The following NRXN3 variants were observed in gnomAD, a reference collection of about 807,000 sequenced individuals.
NRXN3 encodes neurexin 3.
NRXN3 carries 32 observed loss-of-function variants against 137.6 expected under a neutral mutation model. That is an observed-to-expected ratio of 0.23 (90% CI 0.18 to 0.31). The LOEUF is 0.31. Among genes scored for constraint, NRXN3 ranks in the 10% least tolerant of loss-of-function variants. The pLI is 1.00. For missense variants in NRXN3, 1,574 were observed against 2,062.5 expected (o/e 0.76, Z 4.59); for synonymous variants, 798 against 784.5 (o/e 1.02, Z -0.29).
intron 15 of NRXN3, among the ~76,000 whole-genome samples, chr14:79,382,136 T>A (rs2094488166): frequency 6.6e-6 from 1 of 152,156 alleles, no homozygotes; most frequent in Non-Finnish European, 1.5e-5. Context: ...TTCTGAGGAT[T>A]AAATGAGTGA....
intron 19 of NRXN3, among the ~76,000 whole-genome samples, chr14:79,718,991 T>G (rs1014981138): frequency 6.6e-6 from 1 of 152,090 alleles, no homozygotes; most frequent in Admixed American, 6.6e-5. Context: ...CTCAACTTGG[T>G]CTCCTTTTTC....
chr14:79,184,965 T>A (rs2063346374), intron 15 of NRXN3, among the ~76,000 whole-genome samples: 1 of 152,180 alleles, frequency 6.6e-6, no homozygotes, highest in Non-Finnish European at 1.5e-5. Flanking sequence ...TTGTGTCAAA[T>A]TGAGTTGTGC....
Position 79,674,209 on chromosome 14 carries a change from T to C in NRXN3, c.3616+10260T>C, listed in dbSNP as rs929033654. Among the ~76,000 whole-genome samples the C allele has an allele frequency of 2.0e-5, 3 of 152,098 alleles. No homozygotes were observed. The East Asian group carries it at 5.8e-4, about 29-fold the overall frequency. On this transcript the variant is annotated intron_variant, in intron 17 of 20. Coordinates refer to ENST00000335750, the MANE Select transcript of NRXN3 (RefSeq NM_001330195.2). ...GTGTGAAAGATGACATGACAACTTA[T>C]ACCTTTCTCATTGAGGAAATTAATG...
At chr14:79,526,019 C>T (rs927099685) in intron 16 of NRXN3, among the ~76,000 whole-genome samples, 1 of 152,082 alleles carries the variant, frequency 6.6e-6, no homozygotes, top group African/African-American at 2.4e-5. Context: ...GTAGTTAGGA[C>T]CACAGGCACA....
At chr14:79,755,393 T>A (rs1012960512) in intron 19 of NRXN3, among the ~76,000 whole-genome samples, 3 of 152,300 alleles carry the variant, frequency 2.0e-5, no homozygotes, top group South Asian at 4.1e-4. Flanking sequence ...ATATTTGTTT[T>A]TTTCTTAGAA....
intron 6 of NRXN3, among the ~76,000 whole-genome samples, chr14:78,671,467 G>A (rs1188282657): frequency 6.6e-6 from 1 of 152,090 alleles, no homozygotes; most frequent in Non-Finnish European, 1.5e-5. Flanking sequence ...TGGGTACTAT[G>A]CTCAGTATCT....
At chr14:79,610,176 C>T (rs932950081) in intron 16 of NRXN3, among the ~76,000 whole-genome samples, 3 of 152,060 alleles carry the variant, frequency 2.0e-5, no homozygotes, top group African/African-American at 7.2e-5. Flanking sequence ...ATAGAGTCAA[C>T]ATTCTGATAC....
chr14:78,653,722 C>T (rs890560424), intron 6 of NRXN3, among the ~76,000 whole-genome samples: 3 of 151,742 alleles, frequency 2.0e-5, no homozygotes, highest in Non-Finnish European at 4.4e-5. Context: ...CACACACACA[C>T]ACACACACAC....
chr14:78,174,154 C>CT (rs2059035975), intron 1 of NRXN3, among the ~76,000 whole-genome samples: 1 of 152,050 alleles, frequency 6.6e-6, no homozygotes, highest in Non-Finnish European at 1.5e-5. Flanking sequence ...CAAATAAGCA[C>CT]CCAGTGATAA....
intron 15 of NRXN3, among the ~76,000 whole-genome samples, chr14:79,048,790 C>G (rs1333738215): frequency 1.3e-5 from 2 of 149,648 alleles, no homozygotes; most frequent in Admixed American, 1.3e-4. Context: ...TTTGGGAGGC[C>G]GAGACGGGCG....
At chr14:78,352,758 T>C (rs752081691) in intron 4 of NRXN3, among the ~76,000 whole-genome samples, 1 of 152,230 alleles carries the variant, frequency 6.6e-6, no homozygotes, top group Admixed American at 6.5e-5. Context: ...TTGTGGCACC[T>C]GAGACCTAGA....
At position 79,768,065 on chromosome 14, in the gene NRXN3, G is replaced by A. The variant is rs567534391; in HGVS notation, c.4015-37047G>A. ...CACCTGAATACTGTGCTTTTCCGACGGGCTTAAAAAATGGCGCACCAGGAG... is the reference window on the plus strand; with the variant it reads ...CACCTGAATACTGTGCTTTTCCGACAGGCTTAAAAAATGGCGCACCAGGAG... On this transcript the variant is annotated intron_variant, in intron 19 of 20. Coordinates refer to ENST00000335750, the MANE Select transcript of NRXN3 (RefSeq NM_001330195.2). Among the ~76,000 whole-genome samples the A allele has an allele frequency of 1.1e-3, 167 of 152,268 alleles. 1 individual carries two copies. The highest frequency in any genetic ancestry group is 1.3e-3 in the African/African-American group (54 of 41,560).
At chr14:79,106,503 A>T (rs1179854029) in intron 15 of NRXN3, among the ~76,000 whole-genome samples, 1 of 152,122 alleles carries the variant, frequency 6.6e-6, no homozygotes, top group African/African-American at 2.4e-5. Flanking sequence ...AGTTAAGTGC[A>T]TTAAAAAAAG....
chr14:78,214,600 G>T (rs950111174), intron 1 of NRXN3, among the ~76,000 whole-genome samples: 1 of 152,096 alleles, frequency 6.6e-6, no homozygotes. Flanking sequence ...CAAAGAGGGT[G>T]GTAAATAGAA....
At chr14:79,286,032 C>T (rs1235913239) in intron 15 of NRXN3, among the ~76,000 whole-genome samples, 1 of 152,124 alleles carries the variant, frequency 6.6e-6, no homozygotes, top group Non-Finnish European at 1.5e-5. Context: ...GTTGTGTTTA[C>T]AGATATGGGG....
intron 17 of NRXN3, among the ~76,000 whole-genome samples, chr14:79,666,776 T>C (rs954540348): frequency 6.6e-6 from 1 of 152,116 alleles, no homozygotes; most frequent in African/African-American, 2.4e-5. Flanking sequence ...TATTGTGAGG[T>C]GTTGAGTTCA....
intron 16 of NRXN3, among the ~76,000 whole-genome samples, chr14:79,547,880 C>T (rs1157434569): frequency 6.6e-6 from 1 of 152,168 alleles, no homozygotes; most frequent in Non-Finnish European, 1.5e-5. Context: ...ACTCCACTAT[C>T]CATGCAAACA....
intron 15 of NRXN3, among the ~76,000 whole-genome samples, chr14:79,417,129 G>A (rs751861177): frequency 2.0e-5 from 3 of 152,000 alleles, no homozygotes; most frequent in African/African-American, 4.8e-5. Flanking sequence ...TGGTTTCCTC[G>A]TGTGTATGAT....
chr14:78,512,273 A>G (rs1173798829), intron 4 of NRXN3, among the ~76,000 whole-genome samples: 1 of 152,140 alleles, frequency 6.6e-6, no homozygotes, highest in African/African-American at 2.4e-5. Context: ...CAGCCAGCCT[A>G]CTCACAGAAC....
Sources: allele counts gnomAD v4.1 joint callset (sites outside exome capture counted in the v4.1 genomes callset), GRCh38; gene constraint gnomAD v4.1.1; transcripts MANE v1.5; gene names NCBI Gene and HGNC (gene_info 2026-07-23, HGNC 2026-07-21).